The following MYO1E variants were observed in gnomAD, a reference collection of about 807,000 sequenced individuals.
MYO1E encodes the protein myosin IE, also known as unconventional myosin-Ie.
MYO1E carries 68 observed loss-of-function variants against 151.1 expected under a neutral mutation model. That is an observed-to-expected ratio of 0.45 (90% CI 0.37 to 0.55). The LOEUF (loss-of-function observed/expected upper bound fraction) is 0.55. Among genes scored for constraint, MYO1E ranks in the 20% least tolerant of loss-of-function variants. The pLI is 0.00. For missense variants in MYO1E, 1,363 were observed against 1,389.3 expected (o/e 0.98, Z 0.30); for synonymous variants, 601 against 501.7 (o/e 1.20, Z -2.64).
chr15:59,141,964 G>A (rs1467796522), intron 26 of MYO1E, among the ~76,000 whole-genome samples: 1 of 151,808 alleles, frequency 6.6e-6, no homozygotes, highest in South Asian at 2.1e-4. Flanking sequence ...AAAATTAGCC[G>A]GGCGTGGTGG....
Position 59,225,070 on chromosome 15 carries a change from C to T in MYO1E, c.643-247G>A, listed in dbSNP as rs1411985968. Among the ~76,000 whole-genome samples, 4 of 152,244 alleles carry T rather than the reference C, an allele frequency of 2.6e-5. No individual in the cohort carries two copies. The South Asian group carries it at 6.2e-4, about 24-fold the overall frequency. ...TGTCCACTGAAAGGAACTGGACTGCCACCCTCGGAAGAGTGGAAAGCAAAA... is the reference window on the plus strand; with the variant it reads ...TGTCCACTGAAAGGAACTGGACTGCTACCCTCGGAAGAGTGGAAAGCAAAA... On this transcript the variant is annotated intron_variant, in intron 7 of 27. Transcript: ENST00000288235.
chr15:59,169,351 A>T (rs1359735225), intron 22 of MYO1E, among the ~76,000 whole-genome samples: 1 of 152,218 alleles, frequency 6.6e-6, no homozygotes, highest in African/African-American at 2.4e-5. Flanking sequence ...TTGAGAACAC[A>T]CACGCATGTT....
chr15:59,347,452 A>G (rs1352467458), intron 1 of MYO1E, among the ~76,000 whole-genome samples: 9 of 152,158 alleles, frequency 5.9e-5, no homozygotes, highest in African/African-American at 1.9e-4. Flanking sequence ...AGTTCCAAAG[A>G]GATTTTCTTA....
intron 1 of MYO1E, among the ~76,000 whole-genome samples, chr15:59,359,272 T>A (rs2080871912): frequency 2.0e-5 from 2 of 99,652 alleles, no homozygotes; most frequent in Admixed American, 2.6e-4. Context: ...ATATATATAT[T>A]TTACATACAT....
intron 5 of MYO1E, among the ~76,000 whole-genome samples, chr15:59,232,799 G>C (rs1295907795): frequency 6.6e-6 from 1 of 152,172 alleles, no homozygotes; most frequent in Non-Finnish European, 1.5e-5. Context: ...GTAGCAAAGA[G>C]GAGTAAATTA....
intron 24 of MYO1E, among the ~76,000 whole-genome samples, chr15:59,160,391 A>C (rs1004233513): frequency 8.1e-6 from 1 of 122,874 alleles, no homozygotes; most frequent in Admixed American, 8.4e-5. Context: ...ATGGTGTTTT[A>C]TTTCTTTTTC....
intron 1 of MYO1E, among the ~76,000 whole-genome samples, chr15:59,345,840 T>C (rs1297006590): frequency 3.9e-5 from 6 of 152,342 alleles, no homozygotes; most frequent in African/African-American, 1.4e-4. Context: ...AAAGAGTTAC[T>C]GTTACTTTCC....
chr15:59,348,147 G>A (rs2080804737), intron 1 of MYO1E, among the ~76,000 whole-genome samples: 1 of 152,150 alleles, frequency 6.6e-6, no homozygotes, highest in Non-Finnish European at 1.5e-5. Context: ...ACAGTGGGGA[G>A]GAGGTAAGAG....
chr15:59,330,429 T>C (rs2080691242), intron 1 of MYO1E, among the ~76,000 whole-genome samples: 1 of 152,196 alleles, frequency 6.6e-6, no homozygotes, highest in Admixed American at 6.5e-5. Flanking sequence ...CAATGCAATG[T>C]AAAAAGTGGC....
chr15:59,258,665 A>G (rs1280690377), intron 3 of MYO1E, among the ~76,000 whole-genome samples: 1 of 152,208 alleles, frequency 6.6e-6, no homozygotes, highest in African/African-American at 2.4e-5. Context: ...CAACCTGGGC[A>G]ACATAGTGAG....
intron 1 of MYO1E, among the ~76,000 whole-genome samples, chr15:59,338,259 G>A (rs1294146744): frequency 1.4e-5 from 2 of 146,364 alleles, no homozygotes; most frequent in Non-Finnish European, 1.5e-5. Context: ...TTTTATAATA[G>A]CTATATAAAC....
chr15:59,195,266 G>C (rs1216708820), intron 17 of MYO1E, among the ~76,000 whole-genome samples, 195 bp downstream of exon 17: 1 of 152,184 alleles, frequency 6.6e-6, no homozygotes, highest in Non-Finnish European at 1.5e-5. Context: ...TGAAATGAAT[G>C]GCACTGCTAA....
At chr15:59,369,588 C>A (rs943126239) in intron 1 of MYO1E, among the ~76,000 whole-genome samples, 2 of 152,192 alleles carry the variant, frequency 1.3e-5, no homozygotes, top group Non-Finnish European at 2.9e-5. Flanking sequence ...TGCTAAACAA[C>A]CTCCACTAAA....
intron 26 of MYO1E, among the ~76,000 whole-genome samples, chr15:59,145,287 G>T (rs567322860): frequency 6.6e-6 from 1 of 152,334 alleles, no homozygotes; most frequent in African/African-American, 2.4e-5. Context: ...AGACCCGCAT[G>T]CCCACTGTGC....
Position 59,218,069 on chromosome 15 carries a change from T to C in MYO1E, c.929A>G (p.Tyr310Cys). ...ESEEFLAFPA[Y>C]LLGINQDRLK... ...CCGGTCCTGGTTTATCCCTAGCAGATATGCAGGAAAAGCTAAAACTGTAGA... is the reference window on the plus strand; with the variant it reads ...CCGGTCCTGGTTTATCCCTAGCAGACATGCAGGAAAAGCTAAAACTGTAGA... The change falls in exon 10 of 28, where the codon TAT becomes TGT. Residue 310 changes from tyrosine (Y) to cysteine (C), a missense_variant. Transcript: ENST00000288235. 1 of 1,614,206 alleles carries C rather than the reference T, an allele frequency of 6.2e-7. No homozygotes were observed. The highest frequency in any genetic ancestry group is 8.5e-7 in the Non-Finnish European group (1 of 1,180,028).
At chr15:59,184,205 C>T (rs1471458719) in intron 18 of MYO1E, among the ~76,000 whole-genome samples, 14 of 152,104 alleles carry the variant, frequency 9.2e-5, no homozygotes, top group Non-Finnish European at 1.3e-4. Context: ...TGAGGTTTCA[C>T]CATGTTGGCC....
chr15:59,360,253 C>T (rs1218030998), intron 1 of MYO1E, among the ~76,000 whole-genome samples: 3 of 152,044 alleles, frequency 2.0e-5, no homozygotes, highest in South Asian at 2.1e-4. Flanking sequence ...CACGTCTTGA[C>T]GAGCCCACAG....
At chr15:59,138,464 A>G in intron 26 of MYO1E, 97 bp from the exon 27 acceptor site, 1 of 1,342,618 alleles carries the variant, frequency 7.4e-7, no homozygotes, top group South Asian at 1.2e-5. Flanking sequence ...GGCCTGTTCA[A>G]GTTCAAATCC....
At chr15:59,363,946 T>G (rs1394927471) in intron 1 of MYO1E, among the ~76,000 whole-genome samples, 8 of 152,090 alleles carry the variant, frequency 5.3e-5, no homozygotes, top group African/African-American at 1.9e-4. Context: ...AGCTAATTTT[T>G]TTGTATTTTT....
Sources: gnomAD v4.1 joint callset for allele counts (sites outside exome capture counted in the v4.1 genomes callset) on GRCh38, gnomAD v4.1.1 for gene constraint, MANE v1.5 for transcripts, NCBI Gene and HGNC (gene_info 2026-07-23, HGNC 2026-07-21) for gene names.